SPATA13: variants seen among roughly 807,000 people sequenced by gnomAD.
SPATA13 encodes the protein spermatogenesis associated 13.
Under a neutral mutation model 104.0 loss-of-function variants are expected in SPATA13, and 50 were observed. That is an observed-to-expected ratio of 0.48 (90% CI 0.38 to 0.61). The LOEUF is 0.61. SPATA13 is among the 20% of genes least tolerant of loss of function. The pLI, the probability that SPATA13 is intolerant of heterozygous loss-of-function variation, is 0.00. For missense variants in SPATA13, 1,524 were observed against 1,690.6 expected (o/e 0.90, Z 1.73); for synonymous variants, 606 against 667.5 (o/e 0.91, Z 1.42).
intron 3 of SPATA13, among the ~76,000 whole-genome samples, chr13:24,063,346 A>C (rs1878842434): frequency 6.6e-6 from 1 of 152,154 alleles, no homozygotes; most frequent in South Asian, 2.1e-4. Context: ...GCAGGTTTTG[A>C]AATTTGTACA....
In SPATA13 at chr13:24,249,781, T is replaced by C; in HGVS notation, c.1958T>C (p.Ile653Thr). Residue 653 changes from isoleucine (I) to threonine (T), a missense_variant, in exon 3 of 13, where the codon ATA becomes ACA. Ile to Thr is a moderately conservative substitution (Grantham distance 89). This residue lies in a region of SPATA13 where 1,089 missense variants were observed against 1,135.9 expected (regional missense o/e 0.96). Transcript: ENST00000382108. ...GARRRRPISV[I>T]GGVSLYGTNQ... ...CGGAGAAGGCGCCCCATTTCCGTGATAGGTGGGGTCAGCTTGTATGGGACC... is the reference window on the plus strand; with the variant it reads ...CGGAGAAGGCGCCCCATTTCCGTGACAGGTGGGGTCAGCTTGTATGGGACC... The C allele has an allele frequency of 6.2e-7, 1 of 1,613,918 alleles. No homozygotes were observed. Among genetic ancestry groups the C allele is most frequent in the Non-Finnish European group, 8.5e-7 (1 of 1,180,000 alleles).
intron 2 of SPATA13, among the ~76,000 whole-genome samples, chr13:24,235,479 G>C (rs1214862433): frequency 6.6e-6 from 1 of 152,234 alleles, no homozygotes. Context: ...GAATTGGTCT[G>C]GCTGACGTGG....
At chr13:24,018,265 TG>T in intron 3 of SPATA13, among the ~76,000 whole-genome samples, 1 of 152,352 alleles carries the variant, frequency 6.6e-6, no homozygotes, top group East Asian at 1.9e-4. Flanking sequence ...TAGATTAAAC[TG>T]TATTACAAAC....
intron 2 of SPATA13, among the ~76,000 whole-genome samples, chr13:24,242,589 T>C (rs1872907892): frequency 6.6e-6 from 1 of 152,160 alleles, no homozygotes; most frequent in South Asian, 2.1e-4. Context: ...CATCGTAAAA[T>C]GGGGGTAATT....
At chr13:24,189,299 G>GTAGTATT (rs1869358289) in intron 1 of SPATA13, among the ~76,000 whole-genome samples, 1 of 151,548 alleles carries the variant, frequency 6.6e-6, no homozygotes, top group African/African-American at 2.4e-5. Flanking sequence ...GTGAAACCCC[G>GTAGTATT]TCTCTACTAG....
At chr13:24,246,066 G>T (rs1403292343) in intron 2 of SPATA13, among the ~76,000 whole-genome samples, 1 of 152,090 alleles carries the variant, frequency 6.6e-6, no homozygotes, top group Admixed American at 6.5e-5. Flanking sequence ...GAAAAGGCAG[G>T]GTGCGTGTCA....
At chr13:24,045,730 GATC>G in intron 3 of SPATA13, among the ~76,000 whole-genome samples, 1 of 152,308 alleles carries the variant, frequency 6.6e-6, no homozygotes, top group Middle Eastern at 3.4e-3. Flanking sequence ...CATGGGAAAA[GATC>G]ATGTTTGCCC....
At chr13:24,256,564 A>AT (rs561049769) in intron 4 of SPATA13, among the ~76,000 whole-genome samples, 95 of 147,608 alleles carry the variant, frequency 6.4e-4, no homozygotes, top group Middle Eastern at 3.6e-3. Context: ...ATTGCATTTA[A>AT]TTTTTTTTTT....
rs1402975820 is a variant in SPATA13 at position 24,304,298 on chromosome 13, T to A, written c.*1525T>A. ...AATCATCTCCTTTTCTTTGTCTATG[T>A]TGTACATTTTCATGATATAACTTTT... On this transcript the variant is annotated 3_prime_UTR_variant, in exon 13 of 13. Transcript: ENST00000382108. The A allele has an allele frequency of 6.6e-6, 1 of 152,268 alleles. No homozygotes were observed. Among genetic ancestry groups the A allele is most frequent in the African/African-American group, 2.4e-5 (1 of 41,470 alleles). 9.4% of individuals were successfully genotyped at this position (152,268 alleles called of 1,614,324 possible).
At chr13:24,246,082 G>A (rs1462787106) in intron 2 of SPATA13, among the ~76,000 whole-genome samples, 1 of 152,168 alleles carries the variant, frequency 6.6e-6, no homozygotes, top group Admixed American at 6.5e-5. Flanking sequence ...TGTCACGTAA[G>A]TGTAAAACCA....
intron 3 of SPATA13, among the ~76,000 whole-genome samples, chr13:24,133,509 G>A (rs1256909727): frequency 2.0e-5 from 3 of 152,164 alleles, no homozygotes; most frequent in South Asian, 2.1e-4. Flanking sequence ...TGCTGAGCTC[G>A]GGCAGGTGCT....
intron 2 of SPATA13, among the ~76,000 whole-genome samples, chr13:24,231,260 A>G (rs1872256868): frequency 6.6e-6 from 1 of 152,210 alleles, no homozygotes; most frequent in Non-Finnish European, 1.5e-5. Flanking sequence ...CGCCATTTGC[A>G]GTCACTTTCT....
Position 24,051,618 on chromosome 13 carries a change from A to G in SPATA13, c.-112+33917A>G, listed in dbSNP as rs556141645. Reference sequence around the variant, plus strand: ...GTCTAGTAGAGTGGAGCCAGCGGAGACAATGCTCCCTGTTTGGGGATGGAG... The same window carrying G: ...GTCTAGTAGAGTGGAGCCAGCGGAGGCAATGCTCCCTGTTTGGGGATGGAG... On this transcript the variant is annotated intron_variant, in intron 3 of 14. Transcript: ENST00000424834. The surrounding 1 kb of genome is among the most constrained non-coding windows in gnomAD (Gnocchi z 4.2). Among the ~76,000 whole-genome samples, 38 of 152,156 alleles carry G rather than the reference A, an allele frequency of 2.5e-4. No individual in the cohort carries two copies. Among genetic ancestry groups the G allele is most frequent in the African/African-American group, 8.9e-4 (37 of 41,506 alleles).
At chr13:24,280,680 G>A (rs1210197961) in intron 4 of SPATA13, among the ~76,000 whole-genome samples, 2 of 152,142 alleles carry the variant, frequency 1.3e-5, no homozygotes, top group Non-Finnish European at 2.9e-5. Flanking sequence ...AAGCAGCACA[G>A]TTCTTGGGCC....
At chr13:24,263,303 C>T (rs1271167138) in intron 4 of SPATA13, among the ~76,000 whole-genome samples, 3 of 152,196 alleles carry the variant, frequency 2.0e-5, no homozygotes, top group Non-Finnish European at 4.4e-5. Context: ...GTGATAGCAG[C>T]GGAGCTCTCA....
Position 24,095,728 on chromosome 13 carries a change from C to G in SPATA13, c.-112+78027C>G, listed in dbSNP as rs144344140. Among the ~76,000 whole-genome samples, 74 of 152,260 alleles carry G rather than the reference C, an allele frequency of 4.9e-4. 1 individual carries two copies. The highest frequency in any genetic ancestry group is 1.7e-3 in the African/African-American group (72 of 41,532). ...TGGACTTGCAATCTACCCTCGTTTC[C>G]CTACAAATTTGGTTCCCTGGGTTAA... On this transcript the variant is annotated intron_variant, in intron 3 of 14. Transcript: ENST00000424834.
intron 1 of SPATA13, among the ~76,000 whole-genome samples, chr13:24,209,995 A>G (rs1184970189): frequency 6.6e-6 from 1 of 151,932 alleles, no homozygotes; most frequent in Non-Finnish European, 1.5e-5. Context: ...TGTGAGTTTG[A>G]TTTGCATTTC....
At chr13:24,220,959 A>G (rs1053168488) in intron 1 of SPATA13, among the ~76,000 whole-genome samples, 1 of 152,212 alleles carries the variant, frequency 6.6e-6, no homozygotes, top group Non-Finnish European at 1.5e-5. Flanking sequence ...TGATCTCAAG[A>G]TCTTTAAAAA....
At chr13:24,231,788 T>C (rs1181319710) in intron 2 of SPATA13, among the ~76,000 whole-genome samples, 1 of 152,246 alleles carries the variant, frequency 6.6e-6, no homozygotes, top group East Asian at 1.9e-4. Context: ...TTCTGGACTC[T>C]AGCTATTCCA....
Sources: allele counts gnomAD v4.1 joint callset (sites outside exome capture counted in the v4.1 genomes callset), GRCh38; gene constraint gnomAD v4.1.1; regional missense constraint gnomAD v4.1.1; non-coding constraint Gnocchi (gnomAD v3.1); transcripts MANE v1.5; gene names NCBI Gene and HGNC (gene_info 2026-07-23, HGNC 2026-07-21).